TENM1: variants seen among roughly 807,000 people sequenced by gnomAD.
TENM1 encodes the protein teneurin-1.
A neutral mutation model predicts 174.8 loss-of-function variants in TENM1; 35 were observed. That is an observed-to-expected ratio of 0.20 (90% confidence interval 0.15 to 0.27). The LOEUF (loss-of-function observed/expected upper bound fraction) is 0.27. Ranked by LOEUF, TENM1 falls within the 10% of genes least tolerant of loss-of-function variation. The pLI is 1.00. For missense variants in TENM1, 1,633 were observed against 2,130.1 expected, an observed-to-expected ratio of 0.77 and a Z score of 4.59; for synonymous variants, 781 against 798.7, an observed-to-expected ratio of 0.98 and a Z score of 0.37.
intron 11 of TENM1, among the ~76,000 whole-genome samples, chrX:124,575,192 AG>A (rs1369495962): frequency 8.9e-6 from 1 of 111,978 alleles, no homozygotes; most frequent in Non-Finnish European, 1.9e-5. Flanking sequence ...AATCTTTACA[AG>A]TACCTTGCTA....
At chrX:125,200,250 C>T in the TENM1 span, among the ~76,000 whole-genome samples, 1 of 111,645 alleles carries the variant, frequency 9.0e-6, no homozygotes. Flanking sequence ...TAATAGCAAT[C>T]TCCATTCAAA....
At chrX:124,862,208 G>A (rs1194246358) in intron 3 of TENM1, among the ~76,000 whole-genome samples, 1 of 112,001 alleles carries the variant, frequency 8.9e-6, no homozygotes, top group African/African-American at 3.2e-5. Flanking sequence ...GGGGGAGGAT[G>A]TGGAGGAAGC....
intron 14 of TENM1, among the ~76,000 whole-genome samples, chrX:124,560,558 G>A (rs1365841858): frequency 9.0e-6 from 1 of 111,045 alleles, no homozygotes; most frequent in African/African-American, 3.3e-5. Flanking sequence ...AAATCTCTGT[G>A]TTCTTAATCA....
rs181895626 is a variant in TENM1 at position 124,818,299 on chromosome X, G to C, written c.535+75997C>G. ...TTGTTCACTGGTTCATGTAACAAAA[G>C]TTTACTAAATGCCTACTATGTTCCA... On this transcript the variant is annotated intron_variant, in intron 3 of 31. Coordinates refer to ENST00000422452, the Ensembl canonical transcript of TENM1. 5.6e-3 allele frequency among the ~76,000 whole-genome samples: 622 copies of C among 111,718 alleles called. 3 individuals are homozygous for C. Among genetic ancestry groups the C allele is most frequent in the Middle Eastern group, 0.018 (4 of 217 alleles).
chrX:124,699,321 C>T (rs1319762886), intron 5 of TENM1, among the ~76,000 whole-genome samples: 4 of 110,623 alleles, frequency 3.6e-5, no homozygotes, highest in African/African-American at 1.3e-4. Context: ...CCTGTCCAGT[C>T]CCCCTTTATT....
chrX:124,676,475 C>G (rs1228300154), intron 5 of TENM1, among the ~76,000 whole-genome samples: 1 of 103,162 alleles, frequency 9.7e-6, no homozygotes, highest in Non-Finnish European at 2.0e-5. Context: ...GTCCCTAATG[C>G]TCTTTTAGCA....
At chrX:124,472,346 A>AAAAAAAAAAC (rs2061343778) in intron 22 of TENM1, among the ~76,000 whole-genome samples, 1 of 102,745 alleles carries the variant, frequency 9.7e-6, no homozygotes, top group African/African-American at 3.5e-5. Flanking sequence ...AAAAAAAAAA[A>AAAAAAAAAAC]AAAAAAAAAA....
chrX:124,583,548 T>A (rs1171388679), intron 11 of TENM1, among the ~76,000 whole-genome samples: 1 of 110,111 alleles, frequency 9.1e-6, no homozygotes, highest in Non-Finnish European at 1.9e-5. Context: ...ATCACCATCA[T>A]CAAAGACCAA....
At chrX:124,543,349 G>A (rs16999287) in intron 15 of TENM1, among the ~76,000 whole-genome samples, 1,434 of 112,305 alleles carry the variant, frequency 0.013, 36 homozygotes, top group African/African-American at 0.044. Flanking sequence ...CATCTGACAC[G>A]GATTGACGTG....
At chrX:124,606,072 C>T (rs144973792) in intron 11 of TENM1, among the ~76,000 whole-genome samples, 404 of 111,159 alleles carry the variant, frequency 3.6e-3, no homozygotes, top group Non-Finnish European at 5.6e-3. Context: ...TGCTGTTAAC[C>T]TAAACCTGGT....
intron 11 of TENM1, among the ~76,000 whole-genome samples, chrX:124,624,776 T>C (rs2050598406): frequency 8.9e-6 from 1 of 112,008 alleles, no homozygotes; most frequent in Non-Finnish European, 1.9e-5. Context: ...ATACATAAAA[T>C]GTCTAGAACA....
intron 22 of TENM1, among the ~76,000 whole-genome samples, chrX:124,465,663 T>A (rs2061233104): frequency 9.0e-6 from 1 of 111,459 alleles, no homozygotes; most frequent in African/African-American, 3.3e-5. Context: ...TGTCCCATCC[T>A]TTTTCAGATT....
intron 1 of TENM1, among the ~76,000 whole-genome samples, chrX:124,903,086 T>G (rs7891407): frequency 0.1 from 11,266 of 111,586 alleles, 1,352 homozygotes; most frequent in African/African-American, 0.34. Flanking sequence ...GGTTATAAGA[T>G]GACTTAAATA....
At chrX:124,542,422 T>C (rs1255603902) in intron 15 of TENM1, among the ~76,000 whole-genome samples, 2 of 49,290 alleles carry the variant, frequency 4.1e-5, no homozygotes, top group African/African-American at 2.2e-4. Flanking sequence ...TCTTGTTTCA[T>C]TTTTTTTTTT....
chrX:124,843,567 T>C (rs1384299084), intron 3 of TENM1, among the ~76,000 whole-genome samples: 8 of 112,092 alleles, frequency 7.1e-5, no homozygotes, highest in South Asian at 3.7e-4. Flanking sequence ...TTTAGCCAGT[T>C]TGAACAATGC....
chrX:124,911,283 C>T (rs983368218), intron 1 of TENM1, among the ~76,000 whole-genome samples: 1 of 111,464 alleles, frequency 9.0e-6, no homozygotes, highest in Non-Finnish European at 1.9e-5. Flanking sequence ...ATTCAATAAG[C>T]ACTCACGGAG....
At chrX:124,802,426 C>T (rs540916941) in intron 3 of TENM1, among the ~76,000 whole-genome samples, 4 of 111,443 alleles carry the variant, frequency 3.6e-5, no homozygotes, top group Non-Finnish European at 5.7e-5. Context: ...GGTTCACTCC[C>T]GTACCTGGAG....
At chrX:124,885,960 A>G (rs1243562708) in intron 3 of TENM1, among the ~76,000 whole-genome samples, 1 of 111,895 alleles carries the variant, frequency 8.9e-6, no homozygotes, top group Non-Finnish European at 1.9e-5. Flanking sequence ...AATCTCATGA[A>G]TATCTATCAA....
chrX:124,947,187 T>C (rs1222307676), intron 1 of TENM1, among the ~76,000 whole-genome samples: 1 of 111,866 alleles, frequency 8.9e-6, no homozygotes, highest in African/African-American at 3.2e-5. Flanking sequence ...TTGCAAATTA[T>C]ATTGGCCTAA....
Sources: gnomAD v4.1 joint callset for allele counts (sites outside exome capture counted in the v4.1 genomes callset) on GRCh38, gnomAD v4.1.1 for gene constraint, MANE v1.5 for transcripts, NCBI Gene and HGNC (gene_info 2026-07-23, HGNC 2026-07-21) for gene names.